CDH18: variants seen among roughly 807,000 people sequenced by gnomAD.
CDH18 encodes cadherin-18.
Under a neutral mutation model 67.9 loss-of-function variants are expected in CDH18, and 31 were observed. That is an observed-to-expected ratio of 0.46 (90% CI 0.34 to 0.62). The LOEUF is 0.62. Among genes scored for constraint, CDH18 ranks in the 20% least tolerant of loss-of-function variants. The probability of loss-of-function intolerance (pLI) is 0.01; values close to 1 mark genes in which losing one functional copy is unlikely to be tolerated. For synonymous variants in CDH18, 362 were observed against 347.2 expected (o/e 1.04, Z -0.48); for missense variants, 890 against 975.5 (o/e 0.91, Z 1.17).
chr5:19,824,282 C>T (rs1001627391), intron 3 of CDH18, among the ~76,000 whole-genome samples: 23 of 152,096 alleles, frequency 1.5e-4, no homozygotes, highest in Non-Finnish European at 3.2e-4. Flanking sequence ...AACTGAGAAA[C>T]CACGTCGGGA....
intron 2 of CDH18, among the ~76,000 whole-genome samples, chr5:20,176,297 C>T (rs1297566418): frequency 6.6e-6 from 1 of 152,162 alleles, no homozygotes; most frequent in Admixed American, 6.6e-5. Context: ...ACCAATATGA[C>T]TAGTTTTCAA....
chr5:20,034,376 A>T (rs1711803786), intron 2 of CDH18, among the ~76,000 whole-genome samples: 2 of 152,056 alleles, frequency 1.3e-5, no homozygotes, highest in African/African-American at 4.8e-5. Context: ...TTAAATTTCA[A>T]ACATACAGTG....
chr5:20,153,620 G>C lies in CDH18; in HGVS notation c.-518+101824C>G, dbSNP rs182724145. 5.9e-5 allele frequency among the ~76,000 whole-genome samples: 9 copies of C among 152,308 alleles called. No individual in the cohort carries two copies. The East Asian group carries it at 1.5e-3, about 26-fold the overall frequency. The stretch of plus-strand genomic sequence containing the variant: ...AAATTTATTTTCTCACAGTTGTGAA[G>C]GCTGGAAGTCCAAGACCAAGGTAGA... On this transcript the variant is annotated intron_variant, in intron 2 of 14. Coordinates refer to the CDH18 transcript ENST00000507958.
At chr5:19,478,949 G>A (rs1029817729) in intron 12 of CDH18, among the ~76,000 whole-genome samples, 1 of 152,174 alleles carries the variant, frequency 6.6e-6, no homozygotes, top group Non-Finnish European at 1.5e-5. Context: ...CAGTAACTCA[G>A]CTCATAATGT....
intron 2 of CDH18, among the ~76,000 whole-genome samples, chr5:20,222,757 G>C (rs946524254): frequency 6.6e-6 from 1 of 151,912 alleles, no homozygotes; most frequent in African/African-American, 2.4e-5. Flanking sequence ...TAGCCTCCAG[G>C]TAAATTCCTT....
At chr5:20,200,734 C>A (rs1739385834) in intron 2 of CDH18, among the ~76,000 whole-genome samples, 1 of 151,914 alleles carries the variant, frequency 6.6e-6, no homozygotes. Flanking sequence ...TCCCAAGTCC[C>A]ATGCCAAAAG....
Position 20,086,848 on chromosome 5 carries a change from T to C in CDH18, c.-517-94834A>G, listed in dbSNP as rs184914307. On this transcript the variant is annotated intron_variant, in intron 2 of 14. Transcript: ENST00000507958. ...ATGGAGATGTGTAAGAAGATGAATA[T>C]AGTTTTTATGCCTGCTAACACAACA... Among the ~76,000 whole-genome samples the C allele has an allele frequency of 3.3e-5, 5 of 152,276 alleles. No homozygotes were observed. In the East Asian group the frequency reaches 7.7e-4, roughly 24 times the overall value.
intron 6 of CDH18, among the ~76,000 whole-genome samples, chr5:19,608,239 A>G (rs1748382314): frequency 6.6e-6 from 1 of 151,706 alleles, no homozygotes; most frequent in Non-Finnish European, 1.5e-5. Context: ...AATCAAATAT[A>G]TACTGTCATT....
At chr5:20,279,505 C>G (rs765713266) in intron 1 of CDH18, among the ~76,000 whole-genome samples, 2 of 151,594 alleles carry the variant, frequency 1.3e-5, no homozygotes, top group South Asian at 2.1e-4. Flanking sequence ...TTGAGACCAG[C>G]CTAGCCAGCA....
In CDH18 at chr5:19,494,474, G is replaced by A. The variant is rs73760031; in HGVS notation, c.1630+8518C>T. Reference sequence around the variant, plus strand: ...CAAGCTGTTTCTAGAGTCTAACTCCGAAACATTCTATTTGTTTCCCCTTTT... The same window carrying A: ...CAAGCTGTTTCTAGAGTCTAACTCCAAAACATTCTATTTGTTTCCCCTTTT... On this transcript the variant is annotated intron_variant, in intron 11 of 12. Transcript: ENST00000382275. 8.9e-3 allele frequency among the ~76,000 whole-genome samples: 1,355 copies of A among 152,244 alleles called. 18 individuals carry two copies. The highest frequency in any genetic ancestry group is 0.031 in the African/African-American group (1,270 of 41,548).
At chr5:19,976,901 G>A (rs1243975062) in intron 2 of CDH18, among the ~76,000 whole-genome samples, 1 of 152,016 alleles carries the variant, frequency 6.6e-6, no homozygotes, top group African/African-American at 2.4e-5. Context: ...ATTAAGTAAG[G>A]ATTAAGTAGA....
chr5:20,553,250 A>G (rs1248007705), intron 1 of CDH18, among the ~76,000 whole-genome samples: 2 of 152,144 alleles, frequency 1.3e-5, no homozygotes, highest in East Asian at 3.9e-4. Flanking sequence ...GGCATGTTTT[A>G]TCTTTATTTA....
Position 19,633,015 on chromosome 5 carries a change from G to T in CDH18, c.644-20414C>A, listed in dbSNP as rs75350769. Among the ~76,000 whole-genome samples, 1,202 of 152,244 alleles carry T rather than the reference G, an allele frequency of 7.9e-3. 5 individuals carry two copies. Among genetic ancestry groups the T allele is most frequent in the Non-Finnish European group, 0.012 (801 of 68,032 alleles). ...TGTGGTGGTGTGAGTAGTGGCCAAC[G>T]TAGTGTGCTCATTCACACTGCATTA... On this transcript the variant is annotated intron_variant, in intron 5 of 12. Transcript: ENST00000382275.
At chr5:19,542,460 A>C (rs531716918) in intron 9 of CDH18, among the ~76,000 whole-genome samples, 66 of 152,310 alleles carry the variant, frequency 4.3e-4, no homozygotes, top group African/African-American at 1.6e-3. Flanking sequence ...CTACTTTTAC[A>C]CCAATGCCTA....
Position 20,495,069 on chromosome 5 carries a change from C to T in CDH18, c.-580+80393G>A, listed in dbSNP as rs143213014. Among the ~76,000 whole-genome samples, 464 of 152,126 alleles carry T rather than the reference C, an allele frequency of 3.1e-3. 4 individuals are homozygous for T. The highest frequency in any genetic ancestry group is 0.017 in the South Asian group (83 of 4,814). ...GCTGTAAATTGTACAGGCAAAAACACCTGAATATAACATTGTACCTTTCTC... is the reference window on the plus strand; with the variant it reads ...GCTGTAAATTGTACAGGCAAAAACATCTGAATATAACATTGTACCTTTCTC... On this transcript the variant is annotated intron_variant, in intron 1 of 14. Coordinates refer to the CDH18 transcript ENST00000507958.
At chr5:19,675,408 G>A (rs1813237) in intron 5 of CDH18, among the ~76,000 whole-genome samples, 12 of 151,834 alleles carry the variant, frequency 7.9e-5, no homozygotes, top group Admixed American at 5.3e-4. Flanking sequence ...ATCCCTTAAC[G>A]ACAAACGTAA....
chr5:20,516,747 T>C (rs1306791011), intron 1 of CDH18, among the ~76,000 whole-genome samples: 1 of 152,000 alleles, frequency 6.6e-6, no homozygotes, highest in Non-Finnish European at 1.5e-5. Flanking sequence ...TGTATGACTA[T>C]TTATAACAAT....
At chr5:20,196,715 T>C (rs1374519628) in intron 2 of CDH18, among the ~76,000 whole-genome samples, 5 of 152,196 alleles carry the variant, frequency 3.3e-5, no homozygotes. Flanking sequence ...AAATGTGTAT[T>C]GGTCATTTGA....
At chr5:19,549,744 AAAAGAAAAAGAAAG>A (rs201835083) in intron 8 of CDH18, among the ~76,000 whole-genome samples, 6,918 of 148,496 alleles carry the variant, frequency 0.047, 428 homozygotes, top group African/African-American at 0.14. Context: ...AGAAAGAGAG[AAAAGAAAAAGAAAG>A]AAAGAAAAAG....
Sources: gnomAD v4.1 joint callset for allele counts (sites outside exome capture counted in the v4.1 genomes callset) on GRCh38, gnomAD v4.1.1 for gene constraint, MANE v1.5 for transcripts, NCBI Gene and HGNC (gene_info 2026-07-23, HGNC 2026-07-21) for gene names.